COL6A1: variants seen among roughly 807,000 people sequenced by gnomAD.
COL6A1 encodes the protein collagen type VI alpha 1 chain.
Under a neutral mutation model 145.6 loss-of-function variants are expected in COL6A1, and 80 were observed. The ratio of observed to expected loss-of-function variants is 0.55; its 90% CI spans 0.46 to 0.66. The LOEUF (loss-of-function observed/expected upper bound fraction) is 0.66, where lower values mean the gene tolerates loss of function less well. Among genes scored for constraint, COL6A1 ranks in the 30% least tolerant of loss-of-function variants. The pLI is 0.00. For missense variants in COL6A1, 1,364 were observed against 1,473.8 expected, an observed-to-expected ratio of 0.93 and a Z score of 1.22; for synonymous variants, 638 against 622.8, an observed-to-expected ratio of 1.02 and a Z score of -0.36.
chr21:45,983,233 C>T (rs1283009407), intron 2 of COL6A1, among the ~76,000 whole-genome samples: 2 of 152,280 alleles, frequency 1.3e-5, no homozygotes, highest in East Asian at 1.9e-4. Context: ...GTCCCCGACT[C>T]GGGAGCCAGG....
chr21:46,002,311 C>G lies in COL6A1; in HGVS notation c.2160C>G (p.Asn720Lys). 1 of 1,593,546 alleles carries G rather than the reference C, an allele frequency of 6.3e-7. No homozygotes were observed. The highest frequency in any genetic ancestry group is 2.3e-5 in the East Asian group (1 of 43,982). The change falls in exon 32 of 35, where the codon AAC (asparagine) becomes AAG (lysine). Residue 720 changes from asparagine to lysine, a missense_variant. Asn to Lys is a moderately conservative substitution (Grantham distance 94). This residue lies in a region of COL6A1 where 938 missense variants were observed against 1,003.8 expected (regional missense o/e 0.93). Transcript: ENST00000361866. ...ACCAGCTGCTGCCGCCCAGCCCGAA[C>G]AACCGCATCGCCCTGGTCATCACTG... ...TRDQLLPPSP[N>K]NRIALVITDG...
In COL6A1 at chr21:45,987,788, GC is replaced by G. The variant is rs1169935513; in HGVS notation, c.804+135del. ...GGCGGGGGTCCAGATGGAGGGGACGGCGGGGGTCCAGATGGAGGGGACGGCG... is the reference window on the plus strand; with the variant it reads ...GGCGGGGGTCCAGATGGAGGGGACGGGGGGGTCCAGATGGAGGGGACGGCG... On this transcript the variant is annotated intron_variant, in intron 8 of 34. Coordinates refer to ENST00000361866, the MANE Select transcript of COL6A1 (RefSeq NM_001848.3). The G allele has an allele frequency of 5.0e-4, 267 of 535,500 alleles. 31 individuals carry two copies. In the African/African-American group the frequency reaches 9.3e-3, roughly 19 times the overall value. 33.2% of individuals were successfully genotyped at this position (535,500 alleles called of 1,614,324 possible). A position where few individuals can be genotyped will look rare whatever the true frequency, so the allele number is the denominator to read the frequency against.
At position 46,002,391 on chromosome 21, in the gene COL6A1, C is replaced by A; in HGVS notation, c.2240C>A (p.Pro747His). 1 of 1,601,288 alleles carries A rather than the reference C, an allele frequency of 6.2e-7. No homozygotes were observed. The highest frequency in any genetic ancestry group is 2.3e-5 in the East Asian group (1 of 44,270). ...DTTPLNVLCSPGIQVVSVGIK... is the reference protein window; with the variant it reads ...DTTPLNVLCSHGIQVVSVGIK... Reference sequence around the variant, plus strand: ...ACACCGCTCAACGTGCTCTGCAGCCCCGGCATCCAGGTGGGGTGGCCACCC... The same window carrying A: ...ACACCGCTCAACGTGCTCTGCAGCCACGGCATCCAGGTGGGGTGGCCACCC... The change falls in exon 32 of 35, where the codon CCC becomes CAC. Residue 747 changes from proline (P) to histidine (H), a missense_variant. This residue lies in a region of COL6A1 where 938 missense variants were observed against 1,003.8 expected (regional missense o/e 0.93). Coordinates refer to ENST00000361866, the MANE Select transcript of COL6A1 (RefSeq NM_001848.3).
Position 45,984,309 on chromosome 21 carries a change from G to A in COL6A1, c.268G>A (p.Ala90Thr), listed in dbSNP as rs201322581. ...CDRNLVWNAG[A>T]LHYSDEVEII... is the part of the protein sequence containing the mutation. ...CCGAAACCTGGTGTGGAACGCAGGC[G>A]CGCTGCACTACAGTGACGAGGTGGA... The change falls in exon 3 of 35, where the codon GCG becomes ACG. Residue 90 changes from alanine (A) to threonine (T), a missense_variant. Physicochemically the swap from Ala to Thr is moderately conservative, Grantham distance 58. This residue lies in a region of COL6A1 where 414 missense variants were observed against 437.6 expected (regional missense o/e 0.95). Coordinates refer to ENST00000361866, the MANE Select transcript of COL6A1 (RefSeq NM_001848.3). 117 of 1,611,412 alleles carry A rather than the reference G, an allele frequency of 7.3e-5. No individual in the cohort carries two copies. Among genetic ancestry groups the A allele is most frequent in the East Asian group, 8.9e-5 (4 of 44,852 alleles).
chr21:46,000,276 TC>T (rs1033168396), intron 27 of COL6A1, 54 bp from the exon 28 acceptor site: 195 of 1,605,002 alleles, frequency 1.2e-4, no homozygotes, highest in Non-Finnish European at 1.6e-4. Context: ...CAGCCCACAG[TC>T]CCCGCTGGGA....
chr21:46,003,494 C>A lies in COL6A1; in HGVS notation c.2568C>A (p.Ala856=). The part of the protein sequence containing the change: ...DTTKRFAKRL[A]ERFLTAGRTD... The stretch of plus-strand genomic sequence containing the variant: ...CCAAGCGCTTCGCCAAGCGCCTGGC[C>A]GAGCGCTTCCTCACAGCGGGCAGGA... Residue 856 remains alanine (A), a synonymous_variant, in exon 35 of 35, where the codon GCC becomes GCA. Coordinates refer to ENST00000361866, the MANE Select transcript of COL6A1 (RefSeq NM_001848.3). 1 of 1,610,780 alleles carries A rather than the reference C, an allele frequency of 6.2e-7. No homozygotes were observed. Among genetic ancestry groups the A allele is most frequent in the Non-Finnish European group, 8.5e-7 (1 of 1,179,498 alleles).
At chr21:45,987,789 CGGG>C (rs66929103) in intron 8 of COL6A1, 135 bp downstream of exon 8, 1 of 326,580 alleles carries the variant, frequency 3.1e-6, no homozygotes, top group Non-Finnish European at 4.7e-6. Flanking sequence ...GAGGGGACGG[CGGG>C]GGTCCAGATG....
chr21:45,998,242 G>A (rs2077818103), intron 23 of COL6A1, 71 bp downstream of exon 23: 2 of 1,588,156 alleles, frequency 1.3e-6, no homozygotes, highest in Non-Finnish European at 1.7e-6. Flanking sequence ...AGTGGACTGG[G>A]CACTCTTGGG....
chr21:45,991,947 C>T (rs2077779018), intron 15 of COL6A1, 63 bp from the exon 16 acceptor site: 3 of 1,518,844 alleles, frequency 2.0e-6, no homozygotes, highest in Non-Finnish European at 1.8e-6. Flanking sequence ...GATGTGGCCT[C>T]TGATGGCTGC....
In COL6A1 at chr21:46,004,084, G is replaced by A. The variant is rs2077866789; in HGVS notation, c.*71G>A. 6.4e-7 allele frequency: 1 copy of A among 1,571,830 alleles called. No individual in the cohort carries two copies. Among genetic ancestry groups the A allele is most frequent in the South Asian group, 1.1e-5 (1 of 87,716 alleles). On this transcript the variant is annotated 3_prime_UTR_variant, in exon 35 of 35. Transcript: ENST00000361866. ...CACTCATCACTAAACAGAGTAAAAT[G>A]TGATGCGAATTTTCCCGACCAACCT...
intron 26 of COL6A1, 96 bp from the exon 27 acceptor site, chr21:45,999,561 A>G (rs949260358): frequency 2.2e-6 from 3 of 1,339,602 alleles, no homozygotes; most frequent in Non-Finnish European, 3.1e-6. Flanking sequence ...GGTGGGCTTG[A>G]TGAGGGGCAG....
chr21:45,992,534 A>C, intron 18 of COL6A1, 136 bp downstream of exon 18: 1 of 1,173,090 alleles, frequency 8.5e-7, no homozygotes, highest in Non-Finnish European at 1.2e-6. Context: ...CTTCACCCAC[A>C]CGTCCAGGAT....
chr21:46,003,012 C>A, intron 33 of COL6A1, 108 bp from the exon 34 acceptor site: 1 of 1,535,902 alleles, frequency 6.5e-7, no homozygotes, highest in South Asian at 1.1e-5. Context: ...GCTGTGACTT[C>A]CGGGGGCACG....
rs142977223 is a variant in COL6A1, at chr21:45,984,124, T to G, written c.228-145T>G. On this transcript the variant is annotated intron_variant, in intron 2 of 34. Transcript: ENST00000361866. Reference sequence around the variant, plus strand: ...GCACAGCCTTCCAGGAGGGCCGGCCTCAGGGCCACAGGGCAAGTCCAGCTG... The same window carrying G: ...GCACAGCCTTCCAGGAGGGCCGGCCGCAGGGCCACAGGGCAAGTCCAGCTG... The G allele has an allele frequency of 5.2e-4, 445 of 860,072 alleles. 1 individual carries two copies. Among genetic ancestry groups the G allele is most frequent in the Admixed American group, 1.2e-3 (58 of 49,438 alleles). The allele number at this position is 860,072 out of a possible 1,614,324, so 53.3% of individuals were successfully genotyped here.
rs892171065 is a variant in COL6A1, at chr21:46,000,209, C to T, written c.1777-122C>T. On this transcript the variant is annotated intron_variant, in intron 27 of 34. Coordinates refer to ENST00000361866, the MANE Select transcript of COL6A1 (RefSeq NM_001848.3). ...CAGAGCCGGGCACACCTGCAAAGAA[C>T]CTCCTGCCCAAACCCCGCCCTGTGG... 20 of 1,105,280 alleles carry T rather than the reference C, an allele frequency of 1.8e-5. No homozygotes were observed. In the African/African-American group the frequency reaches 2.5e-4, roughly 14 times the overall value. 68.5% of individuals were successfully genotyped at this position (1,105,280 alleles called of 1,614,324 possible).
rs1444503968 is a variant in COL6A1 at position 46,001,130 on chromosome 21, C to CG, written c.1823-117dup. 42 of 1,370,672 alleles carry CG rather than the reference C, an allele frequency of 3.1e-5. 1 individual carries two copies. In the South Asian group the frequency reaches 4.1e-4, roughly 13 times the overall value. 84.9% of individuals were successfully genotyped at this position (1,370,672 alleles called of 1,614,324 possible). ...GGGGTGGGCTTTTCTGGGGCTGAGA[C>CG]GGGGGGACCCCAACGTGTCAGGTGA... On this transcript the variant is annotated intron_variant, in intron 29 of 34. Coordinates refer to ENST00000361866, the MANE Select transcript of COL6A1 (RefSeq NM_001848.3).
Position 46,001,028 on chromosome 21 carries a change from G to A in COL6A1, c.1823-225G>A, listed in dbSNP as rs2077841551. 5.6e-6 allele frequency: 4 copies of A among 713,320 alleles called. No homozygotes were observed. The Admixed American group carries it at 1.0e-4, about 18-fold the overall frequency. 44.2% of individuals were successfully genotyped at this position (713,320 alleles called of 1,614,324 possible). A position where few individuals can be genotyped will look rare whatever the true frequency, so the allele number is the denominator to read the frequency against. ...CCTGCTCCATCATTCTGGCCCACAG[G>A]CCCCACCCTAGCCTGGCTGAGCAAC... On this transcript the variant is annotated intron_variant, in intron 29 of 34. Transcript: ENST00000361866.
chr21:45,994,084 C>A lies in COL6A1; in HGVS notation c.1336-83C>A. On this transcript the variant is annotated intron_variant, in intron 19 of 34. Coordinates refer to ENST00000361866, the MANE Select transcript of COL6A1 (RefSeq NM_001848.3). This position sits in a 1 kb window ranked among gnomAD's most constrained non-coding sequence, Gnocchi z 6.8. ...AACAGCCCAGTGACCACCTGGACAG[C>A]ATGCTGTGGCTCCCAGCGTGCCCGG... The A allele has an allele frequency of 2.9e-6, 4 of 1,380,950 alleles. No homozygotes were observed. The highest frequency in any genetic ancestry group is 1.2e-5 in the South Asian group (1 of 80,754). 85.5% of individuals were successfully genotyped at this position (1,380,950 alleles called of 1,614,324 possible).
intron 19 of COL6A1, among the ~76,000 whole-genome samples, chr21:45,993,155 C>A (rs1232329595): frequency 6.6e-6 from 1 of 152,250 alleles, no homozygotes; most frequent in Non-Finnish European, 1.5e-5. Flanking sequence ...GTACCCCAGA[C>A]GGGAAGCTAG....
Sources: gnomAD v4.1 joint callset for allele counts (sites outside exome capture counted in the v4.1 genomes callset) on GRCh38, gnomAD v4.1.1 for gene constraint, gnomAD v4.1.1 regional missense constraint, Gnocchi (gnomAD v3.1) non-coding constraint, MANE v1.5 for transcripts, NCBI Gene and HGNC (gene_info 2026-07-23, HGNC 2026-07-21) for gene names.